RASA3: variants seen among roughly 807,000 people sequenced by gnomAD.
RASA3 encodes the protein ras GTPase-activating protein 3.
RASA3 carries 73 observed loss-of-function variants against 110.0 expected under a neutral mutation model. The observed-to-expected ratio is 0.66, with a 90% CI of 0.55 to 0.81. The LOEUF (loss-of-function observed/expected upper bound fraction) is 0.81. Ranked by LOEUF, RASA3 falls within the 30% of genes least tolerant of loss-of-function variation. RASA3 has a pLI of 0.00. For missense variants in RASA3, 976 were observed against 1,113.2 expected (o/e 0.88, Z 1.75); for synonymous variants, 500 against 451.4 (o/e 1.11, Z -1.37).
intron 12 of RASA3, among the ~76,000 whole-genome samples, chr13:114,016,857 C>T (rs539590341): frequency 2.0e-5 from 3 of 152,098 alleles, no homozygotes; most frequent in South Asian, 2.1e-4. Flanking sequence ...AGTGGGTGTG[C>T]GGGCATCAGA....
chr13:114,005,337 G>C (rs1249746178), intron 18 of RASA3, among the ~76,000 whole-genome samples: 2 of 152,236 alleles, frequency 1.3e-5, no homozygotes, highest in Non-Finnish European at 2.9e-5. Context: ...GGGGTTGGTG[G>C]AAACGGGCAG....
chr13:114,059,370 T>C (rs931085464), intron 2 of RASA3, among the ~76,000 whole-genome samples: 1 of 152,224 alleles, frequency 6.6e-6, no homozygotes, highest in African/African-American at 2.4e-5. Context: ...ATGGCACGTC[T>C]AAATGTAAGA....
At chr13:113,992,820 GAACT>G (rs1322425475) in intron 21 of RASA3, among the ~76,000 whole-genome samples, 14 of 152,326 alleles carry the variant, frequency 9.2e-5, no homozygotes, top group South Asian at 4.1e-4. Context: ...CTGCAAACCG[GAACT>G]AACTAGCAAC....
At chr13:114,077,180 T>C (rs189662995) in intron 1 of RASA3, among the ~76,000 whole-genome samples, 5 of 152,304 alleles carry the variant, frequency 3.3e-5, no homozygotes, top group Admixed American at 2.6e-4. Flanking sequence ...AGGCGGACAC[T>C]GCAGGACGGA....
chr13:114,063,530 T>C (rs1478468850), intron 2 of RASA3, among the ~76,000 whole-genome samples: 2 of 152,242 alleles, frequency 1.3e-5, no homozygotes, highest in East Asian at 3.8e-4. Context: ...ATGTTCCCTG[T>C]GACAGAGTCA....
chr13:114,088,452 C>T (rs947169456), intron 1 of RASA3, among the ~76,000 whole-genome samples: 10 of 152,160 alleles, frequency 6.6e-5, no homozygotes, highest in Admixed American at 2.0e-4. Flanking sequence ...GCCTCTTGCC[C>T]CCTAGGGAAA....
rs911221953 is a variant in RASA3, at chr13:114,127,108, C to T, written c.55+5327G>A. Among the ~76,000 whole-genome samples, 5 of 152,264 alleles carry T rather than the reference C, an allele frequency of 3.3e-5. No homozygotes were observed. The East Asian group carries it at 9.6e-4, about 29-fold the overall frequency. On this transcript the variant is annotated intron_variant, in intron 1 of 23. Transcript: ENST00000334062. ...TCTATGTTTAAAACATGACGCGCCA[C>T]CTGCAAACACGGTGCCACAGCCTCA...
chr13:113,996,440 GGCAT>G, intron 21 of RASA3, 87 bp downstream of exon 21: 1 of 1,277,824 alleles, frequency 7.8e-7, no homozygotes, highest in Non-Finnish European at 1.1e-6. Flanking sequence ...CTTACAGGCA[GGCAT>G]GCACTGTCTG....
intron 3 of RASA3, among the ~76,000 whole-genome samples, chr13:114,047,832 G>A (rs2079078601): frequency 6.6e-6 from 1 of 152,230 alleles, no homozygotes; most frequent in Admixed American, 6.5e-5. Context: ...AGGCCTCAGA[G>A]CAGTGGCTGC....
At chr13:114,055,742 G>A (rs2079233617) in intron 2 of RASA3, among the ~76,000 whole-genome samples, 1 of 152,148 alleles carries the variant, frequency 6.6e-6, no homozygotes, top group Non-Finnish European at 1.5e-5. Flanking sequence ...AGCCCCGTTC[G>A]CTCCCGGCAG....
At chr13:114,051,989 G>T in intron 3 of RASA3, 63 bp downstream of exon 3, 2 of 1,329,712 alleles carry the variant, frequency 1.5e-6, no homozygotes, top group Non-Finnish European at 2.2e-6. Flanking sequence ...GGACTGAAAT[G>T]CTAATACTCG....
At chr13:114,059,870 A>G (rs1023355089) in intron 2 of RASA3, among the ~76,000 whole-genome samples, 2 of 152,254 alleles carry the variant, frequency 1.3e-5, no homozygotes, top group African/African-American at 4.8e-5. Flanking sequence ...TGGGAATAGC[A>G]GCCAATGAAG....
chr13:114,023,850 C>T, intron 8 of RASA3, among the ~76,000 whole-genome samples: 1 of 152,234 alleles, frequency 6.6e-6, no homozygotes. Flanking sequence ...GGGACAGGGT[C>T]TCCACAGAGG....
chr13:113,997,261 C>T (rs2053277723), intron 20 of RASA3, among the ~76,000 whole-genome samples: 1 of 152,208 alleles, frequency 6.6e-6, no homozygotes, highest in African/African-American at 2.4e-5. Flanking sequence ...CGTCTCGGGG[C>T]AGCAACAACC....
At chr13:114,003,681 G>A (rs1190232664) in intron 18 of RASA3, among the ~76,000 whole-genome samples, 4 of 152,102 alleles carry the variant, frequency 2.6e-5, no homozygotes, top group African/African-American at 9.7e-5. Context: ...CTTAACCAAG[G>A]CAATTGTGTT....
At chr13:114,010,825 C>G (rs147479672) in intron 16 of RASA3, among the ~76,000 whole-genome samples, 229 of 5,040 alleles carry the variant, frequency 0.045, 5 homozygotes, top group Middle Eastern at 0.056. Flanking sequence ...GGCTGCGTGA[C>G]GAGGAGCCTC....
chr13:114,056,246 A>AGTGTCTGGTGT lies in RASA3; in HGVS notation c.174-4102_174-4092dup, dbSNP rs1426061045. Among the ~76,000 whole-genome samples, 1 of 151,828 alleles carries AGTGTCTGGTGT rather than the reference A, an allele frequency of 6.6e-6. No homozygotes were observed. The highest frequency in any genetic ancestry group is 1.5e-5 in the Non-Finnish European group (1 of 67,946). On this transcript the variant is annotated intron_variant, in intron 2 of 23. Coordinates refer to ENST00000334062, the MANE Select transcript of RASA3 (RefSeq NM_007368.4). The surrounding 1 kb of genome is among the most constrained non-coding windows in gnomAD (Gnocchi z 5.7). Reference sequence around the variant, plus strand: ...TCCAATGCGTGTCTGGTGAGTGGTGAGTGTCTGGTGTGTGTCTGATGTGTG... The same window carrying AGTGTCTGGTGT: ...TCCAATGCGTGTCTGGTGAGTGGTGAGTGTCTGGTGTGTGTCTGGTGTGTGTCTGATGTGTG...
intron 20 of RASA3, among the ~76,000 whole-genome samples, chr13:113,997,848 TGA>T (rs1290529648): frequency 1.3e-5 from 2 of 152,124 alleles, no homozygotes; most frequent in Admixed American, 6.5e-5. Flanking sequence ...GGTGAACAGC[TGA>T]GGTCTTATTT....
At chr13:114,026,673 G>T (rs2054031103) in intron 7 of RASA3, among the ~76,000 whole-genome samples, 1 of 152,212 alleles carries the variant, frequency 6.6e-6, no homozygotes, top group African/African-American at 2.4e-5. Context: ...CCTCAGATGT[G>T]ACTGGCCATG....
Sources: gnomAD v4.1 joint callset for allele counts (sites outside exome capture counted in the v4.1 genomes callset) on GRCh38, gnomAD v4.1.1 for gene constraint, Gnocchi (gnomAD v3.1) non-coding constraint, MANE v1.5 for transcripts, NCBI Gene and HGNC (gene_info 2026-07-23, HGNC 2026-07-21) for gene names.